DIP2B: variants seen among roughly 807,000 people sequenced by gnomAD.
The protein encoded by DIP2B is DIP2 acetate--CoA ligase B (putative).
DIP2B carries 76 observed loss-of-function variants against 198.0 expected under a neutral mutation model. The observed-to-expected ratio is 0.38, with a 90% CI of 0.32 to 0.46. The LOEUF (loss-of-function observed/expected upper bound fraction) is 0.46. DIP2B is among the 20% of genes least tolerant of loss of function. DIP2B has a pLI of 0.99. For missense variants in DIP2B, 1,559 were observed against 1,978.4 expected (o/e 0.79, Z 4.02); for synonymous variants, 701 against 739.1 (o/e 0.95, Z 0.84).
intron 32 of DIP2B, among the ~76,000 whole-genome samples, chr12:50,733,663 C>T (rs1348226085): frequency 3.3e-5 from 5 of 152,154 alleles, no homozygotes; most frequent in East Asian, 1.9e-4. Context: ...GTGATTGTAC[C>T]GCTGCACTCC....
chr12:50,623,494 A>AGT (rs543812326), intron 1 of DIP2B, among the ~76,000 whole-genome samples: 36 of 126,126 alleles, frequency 2.9e-4, no homozygotes, highest in African/African-American at 1.1e-3. Context: ...TAAACAATTT[A>AGT]GTATATAGCC....
chr12:50,635,452 C>T (rs1465650968), intron 2 of DIP2B, among the ~76,000 whole-genome samples: 1 of 152,146 alleles, frequency 6.6e-6, no homozygotes, highest in Non-Finnish European at 1.5e-5. Context: ...ATAAGAAGTT[C>T]TGGTCACCCA....
intron 1 of DIP2B, among the ~76,000 whole-genome samples, chr12:50,578,798 G>A (rs1363442965): frequency 3.3e-5 from 5 of 152,138 alleles, no homozygotes; most frequent in African/African-American, 9.7e-5. Context: ...ATAAGCCACC[G>A]CGCCCGGCCT....
chr12:50,600,888 CCACCAT>C (rs1258720963), intron 1 of DIP2B, among the ~76,000 whole-genome samples: 7 of 144,342 alleles, frequency 4.8e-5, no homozygotes, highest in Non-Finnish European at 7.5e-5. Flanking sequence ...ACCACCATGA[CCACCAT>C]CACCACCACC....
At chr12:50,729,012 G>A (rs940506113) in intron 30 of DIP2B, among the ~76,000 whole-genome samples, 3 of 152,094 alleles carry the variant, frequency 2.0e-5, no homozygotes, top group Non-Finnish European at 2.9e-5. Context: ...CAGCCAGCAC[G>A]TACCCCCTCG....
At chr12:50,654,894 G>A (rs551862354) in intron 3 of DIP2B, 2 of 296,858 alleles carry the variant, frequency 6.7e-6, no homozygotes, top group Admixed American at 3.7e-5. Context: ...GTTAGGCGGT[G>A]GGGAAGTAGG....
intron 5 of DIP2B, among the ~76,000 whole-genome samples, chr12:50,671,645 A>G (rs975621300): frequency 5.9e-5 from 9 of 152,194 alleles, no homozygotes; most frequent in African/African-American, 1.7e-4. Flanking sequence ...TCCATAAGCA[A>G]TGCTCAAGCT....
At chr12:50,540,859 T>C (rs1958318739) in intron 1 of DIP2B, among the ~76,000 whole-genome samples, 1 of 152,094 alleles carries the variant, frequency 6.6e-6, no homozygotes, top group Non-Finnish European at 1.5e-5. Context: ...TTTTATATAG[T>C]TATTCATATT....
intron 1 of DIP2B, among the ~76,000 whole-genome samples, chr12:50,592,693 G>A (rs1958830284): frequency 6.6e-6 from 1 of 151,862 alleles, no homozygotes; most frequent in African/African-American, 2.4e-5. Flanking sequence ...GGTCAGGCTG[G>A]TCTCGAACTC....
chr12:50,506,837 T>C (rs975845515), intron 1 of DIP2B, among the ~76,000 whole-genome samples: 1 of 152,214 alleles, frequency 6.6e-6, no homozygotes, highest in African/African-American at 2.4e-5. Context: ...CTTTTAAAAC[T>C]GCTATTTGAA....
chr12:50,613,671 C>A (rs1257472351), intron 1 of DIP2B, among the ~76,000 whole-genome samples: 3 of 152,198 alleles, frequency 2.0e-5, no homozygotes, highest in Non-Finnish European at 4.4e-5. Flanking sequence ...CCCTAAGGGA[C>A]TGAGTATTAA....
chr12:50,695,156 T>C (rs1364424519), intron 14 of DIP2B, 111 bp from the exon 15 acceptor site: 19 of 773,128 alleles, frequency 2.5e-5, no homozygotes, highest in Non-Finnish European at 3.9e-5. Flanking sequence ...AAAGAGTGTG[T>C]ATTTGAGTAT....
chr12:50,608,488 T>C (rs1959003337), intron 1 of DIP2B, among the ~76,000 whole-genome samples: 1 of 151,612 alleles, frequency 6.6e-6, no homozygotes, highest in Admixed American at 6.6e-5. Context: ...TGGGTCCACG[T>C]GGTGGTGCGT....
intron 22 of DIP2B, among the ~76,000 whole-genome samples, 156 bp downstream of exon 22, chr12:50,708,718 C>T (rs1939559540): frequency 6.6e-6 from 1 of 152,198 alleles, no homozygotes; most frequent in African/African-American, 2.4e-5. Flanking sequence ...TAATTAATAC[C>T]ATTTCTCCTT....
At chr12:50,604,819 T>C (rs1958968118) in intron 1 of DIP2B, among the ~76,000 whole-genome samples, 1 of 152,140 alleles carries the variant, frequency 6.6e-6, no homozygotes, top group Non-Finnish European at 1.5e-5. Flanking sequence ...CTTTATGATC[T>C]GGTATGTAGT....
intron 1 of DIP2B, among the ~76,000 whole-genome samples, chr12:50,540,110 A>ATTT (rs71083594): frequency 8.5e-4 from 53 of 62,148 alleles, no homozygotes; most frequent in African/African-American, 3.5e-3. Flanking sequence ...AGCTATGAAC[A>ATTT]TTTTTTTTTT....
chr12:50,615,182 C>A (rs960000308), intron 1 of DIP2B, among the ~76,000 whole-genome samples: 2 of 152,102 alleles, frequency 1.3e-5, no homozygotes, highest in African/African-American at 4.8e-5. Flanking sequence ...GTTTTCTAAT[C>A]TTCAGAGAAA....
At chr12:50,686,811 C>A in intron 12 of DIP2B, 129 bp downstream of exon 12, 1 of 834,716 alleles carries the variant, frequency 1.2e-6, no homozygotes, top group Non-Finnish European at 1.8e-6. Flanking sequence ...AGATTTCCAT[C>A]TTTTGGCTTG....
In DIP2B at chr12:50,721,277, C is replaced by A. The variant is rs1216724467; in HGVS notation, c.3047C>A (p.Thr1016Asn). The A allele has an allele frequency of 1.8e-5, 29 of 1,613,694 alleles. No homozygotes were observed. The highest frequency in any genetic ancestry group is 2.5e-5 in the Non-Finnish European group (29 of 1,179,844). Residue 1016 changes from threonine (T) to asparagine (N), a missense_variant, in exon 26 of 38, where the codon ACC becomes AAC. Coordinates refer to ENST00000301180, the MANE Select transcript of DIP2B (RefSeq NM_173602.3). ...VLFMLLNAKG[T>N]TVCTASCLQL... ...TATCCTTTCTGTTGTTTAAAGGGAA[C>A]CACTGTATGCACAGCCAGCTGCCTT...
Sources: gnomAD v4.1 joint callset for allele counts (sites outside exome capture counted in the v4.1 genomes callset) on GRCh38, gnomAD v4.1.1 for gene constraint, MANE v1.5 for transcripts, NCBI Gene and HGNC (gene_info 2026-07-23, HGNC 2026-07-21) for gene names.